Variants in KSR2 observed in about 807,000 individuals in gnomAD.
KSR2 encodes the protein kinase suppressor of ras 2.
KSR2 carries 25 observed loss-of-function variants against 107.8 expected under a neutral mutation model. The ratio of observed to expected loss-of-function variants is 0.23; its 90% CI spans 0.17 to 0.32. KSR2 has a LOEUF of 0.32. KSR2 is among the 10% of genes least tolerant of loss of function. The probability of loss-of-function intolerance (pLI) is 1.00; values close to 1 mark genes in which losing one functional copy is unlikely to be tolerated. For missense variants in KSR2, 887 were observed against 1,268.9 expected (o/e 0.70, Z 4.57); for synonymous variants, 480 against 507.0 (o/e 0.95, Z 0.71).
At chr12:117,928,078 C>T (rs1293626363) in intron 1 of KSR2, among the ~76,000 whole-genome samples, 1 of 152,132 alleles carries the variant, frequency 6.6e-6, no homozygotes, top group African/African-American at 2.4e-5. Context: ...TAATTGAAAT[C>T]ATACAGTATT....
chr12:117,697,790 T>C (rs1473856886), intron 4 of KSR2, among the ~76,000 whole-genome samples: 2 of 150,550 alleles, frequency 1.3e-5, no homozygotes, highest in South Asian at 4.2e-4. Context: ...TTGGGTTCAA[T>C]TGTGCTTTCT....
chr12:117,573,920 A>G (rs938156415), intron 7 of KSR2, among the ~76,000 whole-genome samples: 6 of 152,364 alleles, frequency 3.9e-5, no homozygotes, highest in African/African-American at 9.6e-5. Context: ...TCCTATCTAT[A>G]GAGTGAAGCT....
intron 3 of KSR2, among the ~76,000 whole-genome samples, chr12:117,766,525 G>A (rs575063254): frequency 6.6e-5 from 10 of 152,196 alleles, no homozygotes; most frequent in African/African-American, 7.2e-5. Flanking sequence ...GGTTTACTTC[G>A]AAATGATTAA....
intron 3 of KSR2, among the ~76,000 whole-genome samples, chr12:117,792,970 T>G (rs1890316800): frequency 9.1e-6 from 1 of 110,084 alleles, no homozygotes; most frequent in African/African-American, 3.6e-5. Context: ...ACACACAACA[T>G]GCACACACTC....
intron 4 of KSR2, among the ~76,000 whole-genome samples, chr12:117,731,321 C>CATGCGGGAGGGAG (rs1565984108): frequency 6.0e-5 from 9 of 150,022 alleles, no homozygotes; most frequent in East Asian, 2.0e-4. Context: ...GCAGCCGCCC[C>CATGCGGGAGGGAG]GTCTGAGAAG....
chr12:117,731,710 G>T (rs2136734292), intron 4 of KSR2, among the ~76,000 whole-genome samples: 1 of 152,142 alleles, frequency 6.6e-6, no homozygotes, highest in East Asian at 1.9e-4. Context: ...TTCTGCCTTG[G>T]GATCCTGTTG....
intron 3 of KSR2, among the ~76,000 whole-genome samples, chr12:117,811,292 G>C (rs1003229128): frequency 2.0e-5 from 3 of 152,148 alleles, no homozygotes; most frequent in Non-Finnish European, 4.4e-5. Flanking sequence ...CCCCACTTCT[G>C]TTTCAGGAAA....
intron 4 of KSR2, among the ~76,000 whole-genome samples, chr12:117,705,620 T>A (rs1230528133): frequency 6.6e-6 from 1 of 152,186 alleles, no homozygotes; most frequent in East Asian, 1.9e-4. Flanking sequence ...TGGTGACAGG[T>A]TCCATCTGCT....
chr12:117,964,689 C>A (rs1896742927), intron 1 of KSR2, among the ~76,000 whole-genome samples: 1 of 152,174 alleles, frequency 6.6e-6, no homozygotes, highest in African/African-American at 2.4e-5. Context: ...AAAACGTTAT[C>A]TCTTTCAATC....
chr12:117,953,983 A>G (rs1593400874), intron 1 of KSR2, among the ~76,000 whole-genome samples: 1 of 152,030 alleles, frequency 6.6e-6, no homozygotes, highest in Non-Finnish European at 1.5e-5. Context: ...CCAGCTACTC[A>G]GGAGGCTGAG....
intron 1 of KSR2, among the ~76,000 whole-genome samples, chr12:117,949,887 T>C (rs1455234416): frequency 6.6e-6 from 1 of 152,174 alleles, no homozygotes; most frequent in South Asian, 2.1e-4. Context: ...GTTAGTCCAT[T>C]TTACATCAAA....
chr12:117,579,058 C>T (rs1879474562), intron 7 of KSR2, 61 bp downstream of exon 7: 1 of 1,212,172 alleles, frequency 8.2e-7, no homozygotes, highest in South Asian at 1.3e-5. Flanking sequence ...GTTCAGTGCC[C>T]TGCATGGTTC....
At chr12:117,575,452 T>C (rs1316010898) in intron 7 of KSR2, among the ~76,000 whole-genome samples, 2 of 152,226 alleles carry the variant, frequency 1.3e-5, no homozygotes, top group South Asian at 4.1e-4. Flanking sequence ...GTGGGGTCTG[T>C]ACATTTCCCA....
At chr12:117,619,801 GTATGATGTACATA>G (rs1383168118) in intron 5 of KSR2, among the ~76,000 whole-genome samples, 3 of 151,800 alleles carry the variant, frequency 2.0e-5, no homozygotes, top group Non-Finnish European at 4.4e-5. Context: ...CTTTATTGAA[GTATGATGTACATA>G]TAAAATTCAC....
chr12:117,480,022 ATGTGTATGTG>A (rs1333593637), intron 16 of KSR2, among the ~76,000 whole-genome samples: 53 of 142,192 alleles, frequency 3.7e-4, no homozygotes, highest in East Asian at 2.0e-3. Flanking sequence ...ATCATTACAC[ATGTGTATGTG>A]TGTGTGTGTG....
rs73399587 is a variant in KSR2, at chr12:117,470,937, T to G, written c.2712+254A>C. On this transcript the variant is annotated intron_variant, in intron 18 of 19. Coordinates refer to ENST00000339824, the MANE Select transcript of KSR2 (RefSeq NM_173598.6). ...GAGAGATATATTGGTTCTACCTAAC[T>G]CAGCAACCCACAGTTAGGAAAAACC... Among the ~76,000 whole-genome samples, 1,029 of 152,348 alleles carry G rather than the reference T, an allele frequency of 6.8e-3. 14 individuals are homozygous for G. The highest frequency in any genetic ancestry group is 0.023 in the African/African-American group (953 of 41,578).
At chr12:117,827,017 A>G (rs1207795895) in intron 3 of KSR2, among the ~76,000 whole-genome samples, 7 of 143,770 alleles carry the variant, frequency 4.9e-5, no homozygotes, top group Non-Finnish European at 1.0e-4. Flanking sequence ...CCTGGCCGAC[A>G]CAGTGAGACC....
intron 1 of KSR2, among the ~76,000 whole-genome samples, chr12:117,913,088 G>A (rs916030024): frequency 3.9e-5 from 6 of 152,168 alleles, no homozygotes; most frequent in Non-Finnish European, 5.9e-5. Context: ...TGACATCTCC[G>A]ACTAGAAAAT....
intron 4 of KSR2, among the ~76,000 whole-genome samples, chr12:117,723,546 C>T (rs1887295703): frequency 6.6e-6 from 1 of 152,042 alleles, no homozygotes; most frequent in African/African-American, 2.4e-5. Context: ...TTTCTCACTC[C>T]AAAATTTTCT....
Sources: gnomAD v4.1 joint callset for allele counts (sites outside exome capture counted in the v4.1 genomes callset) on GRCh38, gnomAD v4.1.1 for gene constraint, MANE v1.5 for transcripts, NCBI Gene and HGNC (gene_info 2026-07-23, HGNC 2026-07-21) for gene names.